The following TRDN variants were observed in gnomAD, a reference collection of about 807,000 sequenced individuals.
TRDN encodes the protein triadin, also known as triadin in skeletal muscle.
In TRDN, 161 loss-of-function variants were observed where a neutral mutation model predicts 149.7. That is an observed-to-expected ratio of 1.08 (90% CI 0.95 to 1.23). TRDN has a LOEUF of 1.23. TRDN is among the 50% of genes most tolerant of loss of function. The pLI is 0.00. For missense variants in TRDN, 896 were observed against 823.5 expected, an observed-to-expected ratio of 1.09 and a Z score of -1.08; for synonymous variants, 294 against 250.5, an observed-to-expected ratio of 1.17 and a Z score of -1.64.
intron 1 of TRDN, among the ~76,000 whole-genome samples, chr6:123,589,396 CA>C (rs1206242672): frequency 6.6e-6 from 1 of 152,152 alleles, no homozygotes; most frequent in Non-Finnish European, 1.5e-5. Flanking sequence ...CTAGCCCCAG[CA>C]TTCCTCCTAC....
At chr6:123,302,193 T>G (rs1156868535) in intron 24 of TRDN, among the ~76,000 whole-genome samples, 2 of 152,018 alleles carry the variant, frequency 1.3e-5, no homozygotes, top group Non-Finnish European at 2.9e-5. Context: ...ATTAGAAGTT[T>G]CTTAAGTGAT....
chr6:123,401,402 G>T (rs1027651562), intron 12 of TRDN, among the ~76,000 whole-genome samples: 1 of 152,104 alleles, frequency 6.6e-6, no homozygotes, highest in Non-Finnish European at 1.5e-5. Context: ...GGGGTTAGGG[G>T]TTGAACATTA....
intron 1 of TRDN, among the ~76,000 whole-genome samples, chr6:123,594,981 T>C (rs993137230): frequency 6.6e-6 from 1 of 151,806 alleles, no homozygotes; most frequent in Non-Finnish European, 1.5e-5. Context: ...CTCTGTGGTA[T>C]GCAAATAGCG....
chr6:123,319,908 ATAGTGTTTTCAAG>A (rs1273314056), intron 23 of TRDN, among the ~76,000 whole-genome samples: 1 of 152,092 alleles, frequency 6.6e-6, no homozygotes, highest in African/African-American at 2.4e-5. Context: ...AATGTCATCA[ATAGTGTTTTCAAG>A]TAGAATAAGC....
intron 38 of TRDN, among the ~76,000 whole-genome samples, chr6:123,225,876 T>G (rs1403409646): frequency 6.6e-6 from 1 of 151,792 alleles, no homozygotes; most frequent in African/African-American, 2.4e-5. Context: ...TATAACGGAA[T>G]GATGCTTTAA....
At chr6:123,583,342 A>G (rs1783234747) in intron 1 of TRDN, among the ~76,000 whole-genome samples, 1 of 152,064 alleles carries the variant, frequency 6.6e-6, no homozygotes, top group East Asian at 1.9e-4. Flanking sequence ...GTCTGGAATG[A>G]GACTGGGGCC....
At chr6:123,506,292 C>T (rs912947148) in intron 7 of TRDN, among the ~76,000 whole-genome samples, 3 of 152,002 alleles carry the variant, frequency 2.0e-5, no homozygotes, top group Non-Finnish European at 2.9e-5. Flanking sequence ...AAATTAAAAC[C>T]GTGCAATATC....
chr6:123,544,213 C>T (rs1353697669), intron 4 of TRDN, among the ~76,000 whole-genome samples: 1 of 150,010 alleles, frequency 6.7e-6, no homozygotes, highest in Non-Finnish European at 1.5e-5. Flanking sequence ...TTTAAAGATA[C>T]AAGTATTGAG....
At chr6:123,361,961 C>G (rs749414364) in intron 20 of TRDN, among the ~76,000 whole-genome samples, 3 of 152,128 alleles carry the variant, frequency 2.0e-5, no homozygotes, top group Non-Finnish European at 4.4e-5. Context: ...TTTCTAGAAC[C>G]ACCTATGTGA....
At chr6:123,443,247 T>TA (rs1583030141) in intron 10 of TRDN, among the ~76,000 whole-genome samples, 1 of 149,288 alleles carries the variant, frequency 6.7e-6, no homozygotes, top group African/African-American at 2.4e-5. Flanking sequence ...ATTATATATA[T>TA]TTTTTTGGAC....
intron 23 of TRDN, among the ~76,000 whole-genome samples, chr6:123,317,140 T>A (rs1468413042): frequency 1.3e-5 from 2 of 151,806 alleles, no homozygotes; most frequent in East Asian, 1.9e-4. Context: ...TTTAAACTAT[T>A]CAAGTAATAC....
chr6:123,346,782 T>C (rs535754876), intron 21 of TRDN, among the ~76,000 whole-genome samples: 33 of 152,150 alleles, frequency 2.2e-4, no homozygotes, highest in Admixed American at 1.8e-3. Context: ...GAAGATTGTG[T>C]GGAGTTCGAA....
chr6:123,359,986 C>A (rs561100064), intron 20 of TRDN, among the ~76,000 whole-genome samples: 2 of 152,148 alleles, frequency 1.3e-5, no homozygotes, highest in East Asian at 3.9e-4. Flanking sequence ...TGAGCCACTG[C>A]GCCTGGCCGT....
chr6:123,522,698 T>A (rs201107850), intron 5 of TRDN, among the ~76,000 whole-genome samples: 4 of 152,114 alleles, frequency 2.6e-5, no homozygotes, highest in Non-Finnish European at 4.4e-5. Flanking sequence ...AGTGGCTTAA[T>A]TAAAGCTAAA....
intron 5 of TRDN, among the ~76,000 whole-genome samples, chr6:123,517,054 C>A (rs151285386): frequency 0.011 from 1,682 of 152,158 alleles, 15 homozygotes; most frequent in Non-Finnish European, 0.017. Flanking sequence ...TCATTCCTGT[C>A]GCCATGATGT....
At chr6:123,291,283 G>A (rs952602090) in intron 24 of TRDN, among the ~76,000 whole-genome samples, 1 of 152,096 alleles carries the variant, frequency 6.6e-6, no homozygotes, top group Non-Finnish European at 1.5e-5. Flanking sequence ...AGGTAGTATA[G>A]GCTGGGTGCG....
chr6:123,394,200 G>T (rs1772628679), intron 12 of TRDN, among the ~76,000 whole-genome samples: 1 of 151,942 alleles, frequency 6.6e-6, no homozygotes, highest in African/African-American at 2.4e-5. Flanking sequence ...ATATCCGAGA[G>T]AATGAGCAAG....
chr6:123,379,611 A>C (rs891930961), intron 16 of TRDN, among the ~76,000 whole-genome samples: 4 of 152,312 alleles, frequency 2.6e-5, no homozygotes, highest in Admixed American at 6.5e-5. Context: ...ACATAAGATT[A>C]AAAGTTAAAA....
chr6:123,234,928 G>A (rs773152558), intron 38 of TRDN, among the ~76,000 whole-genome samples: 13 of 152,072 alleles, frequency 8.5e-5, no homozygotes, highest in South Asian at 4.1e-4. Context: ...GGCTAGGATC[G>A]TTTGTTAAGC....
Sources: gnomAD v4.1 joint callset for allele counts (sites outside exome capture counted in the v4.1 genomes callset) on GRCh38, gnomAD v4.1.1 for gene constraint, MANE v1.5 for transcripts, NCBI Gene and HGNC (gene_info 2026-07-23, HGNC 2026-07-21) for gene names.